Variants in ATRX observed in about 807,000 individuals in gnomAD.
The protein encoded by ATRX is ATRX chromatin remodeler.
In ATRX, 12 loss-of-function variants were observed where a neutral mutation model predicts 172.6. The observed-to-expected ratio is 0.07, with a 90% CI of 0.04 to 0.11. The LOEUF (loss-of-function observed/expected upper bound fraction) is 0.11. ATRX is among the 10% of genes least tolerant of loss of function. ATRX has a pLI of 1.00. For synonymous variants in ATRX, 674 were observed against 594.7 expected, an observed-to-expected ratio of 1.13 and a Z score of -1.94; for missense variants, 1,368 against 1,767.4, an observed-to-expected ratio of 0.77 and a Z score of 4.05.
Position 77,505,057 on chromosome X carries a change from C to A in ATRX, c.*3294G>T, listed in dbSNP as rs2062684416. Reference sequence around the variant, plus strand: ...AGGGTAGATCTGATTTGGAGATAGCCAAGTCACTTGAGACTGAGTCTGGTG... The same window carrying A: ...AGGGTAGATCTGATTTGGAGATAGCAAAGTCACTTGAGACTGAGTCTGGTG... On this transcript the variant is annotated 3_prime_UTR_variant, in exon 35 of 35. Coordinates refer to ENST00000373344, the MANE Select transcript of ATRX (RefSeq NM_000489.6). The A allele has an allele frequency of 6.2e-6, 1 of 161,311 alleles. No individual in the cohort carries two copies. The highest frequency in any genetic ancestry group is 1.2e-5 in the Non-Finnish European group (1 of 84,636). 13.3% of individuals were successfully genotyped at this position (161,311 alleles called of 1,213,427 possible).
chrX:77,643,552 C>G (rs2068762745), intron 15 of ATRX, among the ~76,000 whole-genome samples: 1 of 110,976 alleles, frequency 9.0e-6, no homozygotes, highest in Admixed American at 9.6e-5. Flanking sequence ...GCCCAAGTAG[C>G]TGGGACTATA....
At chrX:77,520,730 T>C in intron 34 of ATRX, 58 bp downstream of exon 34, 1 of 1,155,625 alleles carries the variant, frequency 8.7e-7, no homozygotes, top group Admixed American at 2.2e-5. Flanking sequence ...TACAAACTTA[T>C]TATAAAGTCA....
chrX:77,700,822 C>G (rs1266470929), intron 2 of ATRX, among the ~76,000 whole-genome samples: 3 of 112,296 alleles, frequency 2.7e-5, no homozygotes, highest in Non-Finnish European at 5.6e-5. Flanking sequence ...CTATGACAAT[C>G]TGAAAAAGGC....
intron 10 of ATRX, among the ~76,000 whole-genome samples, chrX:77,672,488 C>T (rs1477248711): frequency 2.8e-5 from 3 of 108,921 alleles, no homozygotes; most frequent in Non-Finnish European, 5.7e-5. Context: ...AATACAGAGC[C>T]GTCATCAACA....
At chrX:77,762,716 CAAGAAGAGTAAAAAAAA>C (rs1391206740) in intron 1 of ATRX, among the ~76,000 whole-genome samples, 1 of 108,682 alleles carries the variant, frequency 9.2e-6, no homozygotes, top group African/African-American at 3.3e-5. Context: ...TGTGATAAAA[CAAGAAGAGTAAAAAAAA>C]AAGAAGAGTA....
At chrX:77,591,628 C>T (rs1195362203) in intron 26 of ATRX, among the ~76,000 whole-genome samples, 1 of 111,561 alleles carries the variant, frequency 9.0e-6, no homozygotes, top group African/African-American at 3.3e-5. Flanking sequence ...AGTCTACTAT[C>T]TCCCAGTTAA....
chrX:77,769,955 G>C (rs891863488), intron 1 of ATRX, among the ~76,000 whole-genome samples: 2 of 109,889 alleles, frequency 1.8e-5, no homozygotes, highest in African/African-American at 6.6e-5. Context: ...AAAGCAGCCG[G>C]GTGTGGTGGA....
intron 2 of ATRX, among the ~76,000 whole-genome samples, chrX:77,701,339 C>G (rs2072496218): frequency 1.8e-5 from 2 of 110,024 alleles, no homozygotes; most frequent in African/African-American, 6.6e-5. Flanking sequence ...TGATGAAACC[C>G]TGTTGCTACT....
rs1443949270 is a variant in ATRX, at chrX:77,682,720, C to A, written c.2536G>T (p.Asp846Tyr). The change falls in exon 9 of 35, where the codon GAT (aspartate) becomes TAT (tyrosine). Residue 846 changes from aspartate (D) to tyrosine (Y), a missense_variant. Physicochemically the swap from Asp to Tyr is radical, Grantham distance 160 (BLOSUM62 -3). Around this residue, in one of 17 missense-constraint regions of ATRX, gnomAD observed 843 missense variants for 643.1 expected, o/e 1.31. Transcript: ENST00000373344. ...TTKKRIPNTK[D>Y]FDSSEDEKHS... Reference sequence around the variant, plus strand: ...TTCTCATCTTCAGAAGAGTCAAAATCTTTTGTATTTGGAATTCTTTTTTTG... The same window carrying A: ...TTCTCATCTTCAGAAGAGTCAAAATATTTTGTATTTGGAATTCTTTTTTTG... 8.3e-7 allele frequency: 1 copy of A among 1,207,593 alleles called. No individual in the cohort carries two copies. Among genetic ancestry groups the A allele is most frequent in the Non-Finnish European group, 1.1e-6 (1 of 894,739 alleles).
chrX:77,749,697 T>G (rs1195681748), intron 1 of ATRX, among the ~76,000 whole-genome samples: 1 of 111,907 alleles, frequency 8.9e-6, no homozygotes, highest in Non-Finnish European at 1.9e-5. Context: ...TGTGGTCAAC[T>G]GCAGTCCAAA....
intron 11 of ATRX, among the ~76,000 whole-genome samples, 177 bp from the exon 12 acceptor site, chrX:77,663,735 T>A (rs1414476656): frequency 2.7e-5 from 3 of 112,225 alleles, no homozygotes; most frequent in African/African-American, 9.7e-5. Flanking sequence ...ATTACTATTA[T>A]TAAATATTGA....
At chrX:77,741,191 CAAGA>C (rs1200579240) in intron 1 of ATRX, among the ~76,000 whole-genome samples, 1 of 110,839 alleles carries the variant, frequency 9.0e-6, no homozygotes, top group African/African-American at 3.3e-5. Context: ...CCAGCCCAAG[CAAGA>C]GAGTAAGACT....
chrX:77,568,078 T>A (rs2065265822), intron 28 of ATRX, among the ~76,000 whole-genome samples: 1 of 103,709 alleles, frequency 9.6e-6, no homozygotes, highest in Non-Finnish European at 2.0e-5. Context: ...AAGTCTCAAA[T>A]CAAATTAGTA....
chrX:77,786,172 G>A lies in ATRX; in HGVS notation c.-171C>T. Reference sequence around the variant, plus strand: ...CCACTGCCACCGCCGCAGGAGCCGCGGAAACAAAGCGACACCGCTGCCGCC... The same window carrying A: ...CCACTGCCACCGCCGCAGGAGCCGCAGAAACAAAGCGACACCGCTGCCGCC... On this transcript the variant is annotated 5_prime_UTR_variant, in exon 1 of 35. Transcript: ENST00000373344. 1 of 552,860 alleles carries A rather than the reference G, an allele frequency of 1.8e-6. No homozygotes were observed. Among genetic ancestry groups the A allele is most frequent in the South Asian group, 3.3e-5 (1 of 30,219 alleles). 45.6% of individuals were successfully genotyped at this position (552,860 alleles called of 1,213,427 possible).
At chrX:77,524,917 A>T (rs782654493) in intron 30 of ATRX, among the ~76,000 whole-genome samples, 1 of 109,493 alleles carries the variant, frequency 9.1e-6, no homozygotes, top group East Asian at 2.9e-4. Context: ...GGCTAATTTT[A>T]AAAATTTTGT....
rs1557097055 is a variant in ATRX at position 77,616,707 on chromosome X, T to G, written c.5472A>C (p.Thr1824=). 1 of 1,186,411 alleles carries G rather than the reference T, an allele frequency of 8.4e-7. No individual in the cohort carries two copies. Among genetic ancestry groups the G allele is most frequent in the Non-Finnish European group, 1.1e-6 (1 of 872,775 alleles). Residue 1824 remains threonine, a synonymous_variant, in exon 22 of 35, where the codon ACA becomes ACC. Coordinates refer to ENST00000373344, the MANE Select transcript of ATRX (RefSeq NM_000489.6). ...CVQRKDYTAL[T]KFLPPKHEYV... is the part of the protein sequence containing the mutation. ...ATTCGTGTTTTGGAGGCAAGAATTT[T>G]GTTAATGCTGTATAATCTTTCCTCT...
At chrX:77,593,943 A>C in intron 25 of ATRX, 94 bp from the exon 26 acceptor site, 1 of 888,389 alleles carries the variant, frequency 1.1e-6, no homozygotes, top group Middle Eastern at 2.9e-4. Flanking sequence ...TGGGGAGAGT[A>C]AGAAAGAAAC....
chrX:77,619,032 C>T, intron 20 of ATRX, 51 bp from the exon 21 acceptor site: 1 of 949,753 alleles, frequency 1.1e-6, no homozygotes, highest in Non-Finnish European at 1.5e-6. Context: ...GTTAAAAAGA[C>T]TTAGAAAAAT....
chrX:77,563,702 C>CGTGTGTGTGTGTGT (rs201190876), intron 28 of ATRX, among the ~76,000 whole-genome samples: 2 of 95,515 alleles, frequency 2.1e-5, no homozygotes, highest in South Asian at 1.1e-3. Flanking sequence ...TGTGTACATG[C>CGTGTGTGTGTGTGT]GTGTGTGTGT....
Sources: gnomAD v4.1 joint callset for allele counts (sites outside exome capture counted in the v4.1 genomes callset) on GRCh38, gnomAD v4.1.1 for gene constraint, gnomAD v4.1.1 regional missense constraint, MANE v1.5 for transcripts, NCBI Gene and HGNC (gene_info 2026-07-23, HGNC 2026-07-21) for gene names.